The following DPP6 variants were observed in gnomAD, a reference collection of about 807,000 sequenced individuals.
DPP6 encodes the protein dipeptidyl peptidase like 6, also known as A-type potassium channel modulatory protein DPP6.
DPP6 carries 69 observed loss-of-function variants against 122.6 expected under a neutral mutation model. The ratio of observed to expected loss-of-function variants is 0.56; its 90% CI spans 0.46 to 0.69. The LOEUF is 0.69. Among genes scored for constraint, DPP6 ranks in the 30% least tolerant of loss-of-function variants. The pLI, the probability that DPP6 is intolerant of heterozygous loss-of-function variation, is 0.00. For missense variants in DPP6, 928 were observed against 1,116.9 expected (o/e 0.83, Z 2.41); for synonymous variants, 418 against 433.1 (o/e 0.97, Z 0.43).
intron 1 of DPP6, among the ~76,000 whole-genome samples, chr7:154,370,881 G>A (rs1812594473): frequency 6.6e-6 from 1 of 152,118 alleles, no homozygotes; most frequent in South Asian, 2.1e-4. Context: ...TAATTACTTA[G>A]GCACAGCTAG....
intron 7 of DPP6, among the ~76,000 whole-genome samples, chr7:154,686,054 G>A (rs1483030077): frequency 6.6e-6 from 1 of 152,010 alleles, no homozygotes; most frequent in Non-Finnish European, 1.5e-5. Context: ...GATAACAGCG[G>A]CCTTTTAGAT....
the DPP6 span, among the ~76,000 whole-genome samples, chr7:153,790,549 C>T: frequency 2.0e-5 from 3 of 152,254 alleles, no homozygotes; most frequent in African/African-American, 7.2e-5. Context: ...TTGCTGAAAA[C>T]TTCAGTAAAC....
intron 2 of DPP6, 71 bp from the exon 3 acceptor site, chr7:154,474,866 CAG>C: frequency 8.6e-7 from 1 of 1,165,442 alleles, no homozygotes; most frequent in Non-Finnish European, 1.3e-6. Flanking sequence ...AAATGACAAT[CAG>C]AATGTTTATG....
chr7:154,617,887 G>A (rs1031168641), intron 5 of DPP6, among the ~76,000 whole-genome samples: 6 of 152,124 alleles, frequency 3.9e-5, no homozygotes, highest in South Asian at 2.1e-4. Flanking sequence ...ATCGGGAGGC[G>A]TCGTGCTTTT....
intron 1 of DPP6, among the ~76,000 whole-genome samples, chr7:154,231,034 A>G (rs1800888914): frequency 6.6e-6 from 1 of 152,196 alleles, no homozygotes; most frequent in South Asian, 2.1e-4. Context: ...TTCTTGAAAG[A>G]TAGAATTTGA....
At chr7:154,305,335 T>TGTGG in intron 1 of DPP6, 2 of 1,024,754 alleles carry the variant, frequency 2.0e-6, no homozygotes, top group Non-Finnish European at 2.4e-6. Context: ...TCGTCTTGTC[T>TGTGG]ACCCACCCTC....
chr7:154,534,886 C>A (rs1828112241), intron 3 of DPP6, among the ~76,000 whole-genome samples: 1 of 152,094 alleles, frequency 6.6e-6, no homozygotes, highest in East Asian at 1.9e-4. Context: ...TATTGAAATA[C>A]AAAGGACCTA....
At chr7:154,210,690 G>C (rs1242674417) in intron 1 of DPP6, among the ~76,000 whole-genome samples, 1 of 152,162 alleles carries the variant, frequency 6.6e-6, no homozygotes, top group African/African-American at 2.4e-5. Context: ...TATAGGCAAA[G>C]ACATGCTGGT....
chr7:154,502,583 CCTTCT>C (rs1825344662), intron 3 of DPP6, among the ~76,000 whole-genome samples: 1 of 152,144 alleles, frequency 6.6e-6, no homozygotes, highest in Non-Finnish European at 1.5e-5. Context: ...GTGCCTTTCA[CCTTCT>C]GCTGTGACTG....
chr7:154,803,057 C>G (rs551386968), intron 13 of DPP6, among the ~76,000 whole-genome samples: 1 of 152,266 alleles, frequency 6.6e-6, no homozygotes, highest in East Asian at 1.9e-4. Context: ...TTCAAACTCC[C>G]CAGCCTCTCC....
chr7:154,285,360 G>A (rs1232633588), intron 1 of DPP6, among the ~76,000 whole-genome samples: 1 of 152,054 alleles, frequency 6.6e-6, no homozygotes, highest in Admixed American at 6.6e-5. Context: ...CACCTCCCAG[G>A]TTCAAGCGAT....
intron 5 of DPP6, among the ~76,000 whole-genome samples, chr7:154,637,041 A>C (rs1835771885): frequency 6.6e-6 from 1 of 152,212 alleles, no homozygotes; most frequent in Non-Finnish European, 1.5e-5. Flanking sequence ...GTCTCTACCC[A>C]GGAGGCTGGC....
At chr7:154,665,893 C>T (rs1227456545) in intron 6 of DPP6, among the ~76,000 whole-genome samples, 3 of 151,806 alleles carry the variant, frequency 2.0e-5, no homozygotes, top group Non-Finnish European at 4.4e-5. Context: ...TCATTATCTC[C>T]AATATATTTA....
intron 1 of DPP6, among the ~76,000 whole-genome samples, chr7:154,088,455 G>A (rs1418572564): frequency 1.4e-5 from 2 of 147,694 alleles, no homozygotes; most frequent in African/African-American, 2.6e-5. Flanking sequence ...CGGGAGCCCC[G>A]TTCCCTGCTC....
chr7:154,851,510 G>A (rs529717585), intron 16 of DPP6, among the ~76,000 whole-genome samples: 36 of 152,064 alleles, frequency 2.4e-4, no homozygotes, highest in Non-Finnish European at 4.6e-4. Context: ...AGCTCCCCAT[G>A]GGGGGGAAAT....
intron 1 of DPP6, among the ~76,000 whole-genome samples, chr7:154,170,660 A>G (rs1286297096): frequency 6.6e-6 from 1 of 152,184 alleles, no homozygotes; most frequent in Non-Finnish European, 1.5e-5. Flanking sequence ...CTGAAACCTC[A>G]CCATTTCCAC....
intron 1 of DPP6, among the ~76,000 whole-genome samples, chr7:154,344,150 A>G (rs944391234): frequency 1.3e-4 from 20 of 152,310 alleles, no homozygotes; most frequent in African/African-American, 4.3e-4. Flanking sequence ...ATCTGCAGTC[A>G]TTCCTGTTAA....
At chr7:153,945,612 C>A (rs1051734718) in intron 1 of DPP6, among the ~76,000 whole-genome samples, 7 of 152,194 alleles carry the variant, frequency 4.6e-5, no homozygotes, top group Non-Finnish European at 1.0e-4. Context: ...CAGAAGGGTG[C>A]TCTTCCTACT....
At chr7:153,948,706 C>G (rs571959906) in intron 1 of DPP6, among the ~76,000 whole-genome samples, 24 of 147,164 alleles carry the variant, frequency 1.6e-4, no homozygotes, top group African/African-American at 6.0e-4. Context: ...AACAAAGGTC[C>G]CACTTACCTG....
Sources: allele counts gnomAD v4.1 joint callset (sites outside exome capture counted in the v4.1 genomes callset), GRCh38; gene constraint gnomAD v4.1.1; transcripts MANE v1.5; gene names NCBI Gene and HGNC (gene_info 2026-07-23, HGNC 2026-07-21).